The following LRRC7 variants were observed in gnomAD, a reference collection of about 807,000 sequenced individuals.
LRRC7 encodes leucine-rich repeat-containing protein 7.
A neutral mutation model predicts 175.7 loss-of-function variants in LRRC7; 23 were observed. The ratio of observed to expected loss-of-function variants is 0.13; its 90% CI spans 0.09 to 0.19. The LOEUF is 0.19. Ranked by LOEUF, LRRC7 falls within the 10% of genes least tolerant of loss-of-function variation. The pLI is 1.00. For synonymous variants in LRRC7, 685 were observed against 680.9 expected (o/e 1.01, Z -0.09); for missense variants, 1,354 against 1,904.7 (o/e 0.71, Z 5.38).
rs71583109 is a variant in LRRC7, at chr1:70,124,755, T to TAA, written c.*2879_*2880dup. ...AAAAAAAAGTCAAGGGTGTGCCTTTTAAAAAAAAAAAAGAAAAATCAATAA... is the reference window on the plus strand; with the variant it reads ...AAAAAAAAGTCAAGGGTGTGCCTTTTAAAAAAAAAAAAAAGAAAAATCAATAA... On this transcript the variant is annotated 3_prime_UTR_variant, in exon 27 of 27. Transcript: ENST00000651989. Among the ~76,000 whole-genome samples the TAA allele has an allele frequency of 6.1e-4, 88 of 145,422 alleles. No individual in the cohort carries two copies. In the East Asian group the frequency reaches 8.9e-3, roughly 15 times the overall value.
At chr1:69,924,504 A>G (rs1037205481) in intron 7 of LRRC7, among the ~76,000 whole-genome samples, 2 of 152,130 alleles carry the variant, frequency 1.3e-5, no homozygotes, top group African/African-American at 2.4e-5. Flanking sequence ...CTCCTTGAAG[A>G]GTTCCTTCAC....
rs753949774 is a variant in LRRC7, at chr1:69,868,037, C to T, written c.647+29754C>T. 5.7e-4 allele frequency among the ~76,000 whole-genome samples: 86 copies of T among 151,996 alleles called. 1 individual carries two copies. Among genetic ancestry groups the T allele is most frequent in the Non-Finnish European group, 1.1e-3 (73 of 67,972 alleles). On this transcript the variant is annotated intron_variant, in intron 7 of 26. Transcript: ENST00000651989. ...TTAGAGGTATGAGAATCATACCATA[C>T]CATTTATTATTTTACGCCCAGAACA... is the stretch of plus-strand genomic sequence containing the variant.
At chr1:69,751,270 T>C (rs1669819181) in intron 2 of LRRC7, among the ~76,000 whole-genome samples, 1 of 152,186 alleles carries the variant, frequency 6.6e-6, no homozygotes, top group East Asian at 1.9e-4. Flanking sequence ...GCTTTTTAAC[T>C]CATTTGTATT....
In LRRC7 at chr1:69,787,332, G is replaced by A. The variant is rs143938990; in HGVS notation, c.304-4711G>A. Among the ~76,000 whole-genome samples the A allele has an allele frequency of 1.1e-3, 173 of 152,310 alleles. 5 individuals are homozygous for A. In the East Asian group the frequency reaches 0.031, roughly 28 times the overall value. On this transcript the variant is annotated intron_variant, in intron 3 of 26. Coordinates refer to ENST00000651989, the MANE Select transcript of LRRC7 (RefSeq NM_001370785.2). ...CTCTCAGAGGATCTACCATTCTGGG[G>A]TCTGGGGGATGGTGGCCCTCTTCTC...
intron 7 of LRRC7, among the ~76,000 whole-genome samples, chr1:69,921,471 C>T (rs1646886479): frequency 2.6e-5 from 4 of 152,132 alleles, no homozygotes; most frequent in Admixed American, 2.6e-4. Context: ...TTCTAATATA[C>T]TCTCACTCCT....
intron 26 of LRRC7, among the ~76,000 whole-genome samples, chr1:70,116,080 A>G (rs1248291754): frequency 1.3e-5 from 2 of 152,256 alleles, no homozygotes; most frequent in Admixed American, 1.3e-4. Flanking sequence ...AGCATTCAAA[A>G]ATCAGAGCAG....
chr1:69,919,465 C>A, intron 7 of LRRC7: 1 of 994,836 alleles, frequency 1.0e-6, no homozygotes. Flanking sequence ...GTGGGAGCGG[C>A]CCAGCGGGAA....
At chr1:69,695,218 T>C (rs1662415680) in intron 2 of LRRC7, among the ~76,000 whole-genome samples, 1 of 152,212 alleles carries the variant, frequency 6.6e-6, no homozygotes, top group African/African-American at 2.4e-5. Context: ...TGTTATGTCA[T>C]AGCAAAGAAC....
intron 1 of LRRC7, among the ~76,000 whole-genome samples, chr1:69,608,540 C>T (rs1420517982): frequency 6.6e-6 from 1 of 152,040 alleles, no homozygotes; most frequent in Non-Finnish European, 1.5e-5. Context: ...GTCAGTGTCC[C>T]ATAACACCTT....
At chr1:69,886,331 T>C (rs1353491896) in intron 7 of LRRC7, among the ~76,000 whole-genome samples, 1 of 150,354 alleles carries the variant, frequency 6.7e-6, no homozygotes, top group African/African-American at 2.4e-5. Flanking sequence ...TTTAGGATAG[T>C]TAGCTCTTCT....
chr1:69,976,214 A>G (rs1221024212), intron 8 of LRRC7, among the ~76,000 whole-genome samples: 1 of 152,200 alleles, frequency 6.6e-6, no homozygotes, highest in Non-Finnish European at 1.5e-5. Context: ...TCACATGATC[A>G]TAAGGCCCCA....
At chr1:70,111,680 G>A (rs1434838769) in intron 26 of LRRC7, among the ~76,000 whole-genome samples, 4 of 151,976 alleles carry the variant, frequency 2.6e-5, no homozygotes, top group Admixed American at 2.0e-4. Flanking sequence ...TTATTCTGTT[G>A]AAAAGATGAA....
chr1:70,078,793 C>CGG (rs1491262839), intron 24 of LRRC7, among the ~76,000 whole-genome samples: 3 of 96,214 alleles, frequency 3.1e-5, no homozygotes, highest in African/African-American at 1.4e-4. Flanking sequence ...TCTACATATA[C>CGG]GCGCGCGCGC....
At chr1:69,639,969 T>C (rs776927894) in intron 1 of LRRC7, among the ~76,000 whole-genome samples, 1 of 151,658 alleles carries the variant, frequency 6.6e-6, no homozygotes, top group Non-Finnish European at 1.5e-5. Context: ...ACTCTAGATA[T>C]CTGGTTCTTG....
chr1:69,658,832 A>G (rs896360288), intron 1 of LRRC7, among the ~76,000 whole-genome samples: 5 of 152,084 alleles, frequency 3.3e-5, no homozygotes, highest in Non-Finnish European at 7.4e-5. Flanking sequence ...GGAGAAAAGA[A>G]CAAGAGTCTA....
intron 8 of LRRC7, among the ~76,000 whole-genome samples, chr1:69,964,553 T>G (rs908193041): frequency 2.6e-5 from 4 of 152,190 alleles, no homozygotes; most frequent in African/African-American, 9.6e-5. Flanking sequence ...GTTAGATTTT[T>G]TTGTTGTTAT....
chr1:70,120,599 GTGAT>G (rs776193487), intron 26 of LRRC7, among the ~76,000 whole-genome samples: 4 of 152,008 alleles, frequency 2.6e-5, no homozygotes, highest in Non-Finnish European at 5.9e-5. Flanking sequence ...TAATTATTAA[GTGAT>G]TGGTTATCTG....
At chr1:69,633,909 T>G (rs559858412) in intron 1 of LRRC7, among the ~76,000 whole-genome samples, 11 of 152,234 alleles carry the variant, frequency 7.2e-5, no homozygotes, top group Non-Finnish European at 1.3e-4. Flanking sequence ...GCTGATATAT[T>G]TTTGTCTAAA....
intron 4 of LRRC7, among the ~76,000 whole-genome samples, chr1:69,802,682 A>G (rs558765612): frequency 3.3e-5 from 5 of 151,396 alleles, no homozygotes; most frequent in Admixed American, 6.6e-5. Flanking sequence ...CTACTAATCT[A>G]TGTCTTTTAA....
Sources: gnomAD v4.1 joint callset for allele counts (sites outside exome capture counted in the v4.1 genomes callset) on GRCh38, gnomAD v4.1.1 for gene constraint, MANE v1.5 for transcripts, NCBI Gene and HGNC (gene_info 2026-07-23, HGNC 2026-07-21) for gene names.